Variants in SYNPO2 observed in about 807,000 individuals in gnomAD.
SYNPO2 encodes synaptopodin 2, also known as synaptopodin-2.
A neutral mutation model predicts 85.0 loss-of-function variants in SYNPO2; 56 were observed. The ratio of observed to expected loss-of-function variants is 0.66; its 90% CI spans 0.53 to 0.82. SYNPO2 has a LOEUF of 0.82. Ranked by LOEUF, SYNPO2 falls within the 40% of genes least tolerant of loss-of-function variation. The probability of loss-of-function intolerance (pLI) is 0.00; values close to 1 mark genes in which losing one functional copy is unlikely to be tolerated. For synonymous variants in SYNPO2, 602 were observed against 591.1 expected (o/e 1.02, Z -0.27); for missense variants, 1,575 against 1,534.2 (o/e 1.03, Z -0.44).
intron 1 of SYNPO2, among the ~76,000 whole-genome samples, chr4:118,934,444 A>G (rs1006036701): frequency 1.3e-5 from 2 of 152,304 alleles, no homozygotes; most frequent in East Asian, 3.9e-4. Context: ...ACTCATGGGA[A>G]GAAAGCATAT....
intron 1 of SYNPO2, among the ~76,000 whole-genome samples, chr4:118,967,295 G>T (rs773793172): frequency 6.6e-6 from 1 of 152,114 alleles, no homozygotes; most frequent in Non-Finnish European, 1.5e-5. Flanking sequence ...GAGGAACCAC[G>T]TAAATATGAT....
chr4:118,948,645 T>A (rs1448366492), intron 1 of SYNPO2, among the ~76,000 whole-genome samples: 1 of 152,014 alleles, frequency 6.6e-6, no homozygotes, highest in Non-Finnish European at 1.5e-5. Context: ...GGAGCAGGCA[T>A]CAATTGCGAA....
At chr4:118,901,605 G>A (rs542751298) in intron 1 of SYNPO2, among the ~76,000 whole-genome samples, 5 of 152,236 alleles carry the variant, frequency 3.3e-5, no homozygotes, top group South Asian at 2.1e-4. Flanking sequence ...CCTTTCAGAC[G>A]TATTTTAATA....
chr4:118,888,800 T>G (rs1732259870), upstream of SYNPO2: 1 of 541,060 alleles, frequency 1.8e-6, no homozygotes, highest in Non-Finnish European at 3.3e-6. Context: ...AAGAGTGGGC[T>G]GTGTCCTGGA....
intron 1 of SYNPO2, among the ~76,000 whole-genome samples, chr4:118,904,372 C>T (rs1400126525): frequency 2.0e-5 from 3 of 152,204 alleles, no homozygotes; most frequent in Non-Finnish European, 4.4e-5. Context: ...TCCTGTAGTC[C>T]TTGGAGTCCC....
At chr4:118,927,806 A>ATAGATAGATAGG (rs1338725464) in intron 1 of SYNPO2, among the ~76,000 whole-genome samples, 1 of 151,582 alleles carries the variant, frequency 6.6e-6, no homozygotes, top group African/African-American at 2.4e-5. Flanking sequence ...AGATAGATAG[A>ATAGATAGATAGG]TATCATTTGA....
At chr4:118,986,587 T>C (rs577104462) in intron 1 of SYNPO2, among the ~76,000 whole-genome samples, 16 of 152,326 alleles carry the variant, frequency 1.1e-4, no homozygotes, top group African/African-American at 3.6e-4. Flanking sequence ...GTTTGAGAGA[T>C]GATAATAGGC....
intron 4 of SYNPO2, chr4:119,038,025 A>G (rs1177190479): frequency 2.5e-5 from 13 of 523,702 alleles, no homozygotes; most frequent in South Asian, 8.2e-5. Context: ...ATCTAAGCTC[A>G]GAGAAGCTAA....
At chr4:118,901,028 A>G (rs1465647962) in intron 1 of SYNPO2, among the ~76,000 whole-genome samples, 2 of 151,976 alleles carry the variant, frequency 1.3e-5, no homozygotes, top group African/African-American at 2.4e-5. Flanking sequence ...ATCCAACCAT[A>G]CAGGAAACTT....
intron 1 of SYNPO2, among the ~76,000 whole-genome samples, chr4:118,860,763 G>A (rs560764351): frequency 2.6e-5 from 4 of 152,078 alleles, no homozygotes; most frequent in African/African-American, 7.2e-5. Flanking sequence ...CACCATGTTG[G>A]TCAGGATGGT....
chr4:119,012,419 T>C (rs1395732744), intron 1 of SYNPO2, among the ~76,000 whole-genome samples: 2 of 147,896 alleles, frequency 1.4e-5, no homozygotes, highest in Non-Finnish European at 3.0e-5. Context: ...CTGGGATACA[T>C]GTGCAGAACG....
At chr4:118,912,439 C>G (rs1733171453) in intron 1 of SYNPO2, among the ~76,000 whole-genome samples, 1 of 152,180 alleles carries the variant, frequency 6.6e-6, no homozygotes, top group Non-Finnish European at 1.5e-5. Context: ...TTTCAGCCCC[C>G]TAAATTGCTG....
At chr4:118,976,174 T>G (rs979528634) in intron 1 of SYNPO2, among the ~76,000 whole-genome samples, 2 of 151,482 alleles carry the variant, frequency 1.3e-5, no homozygotes, top group Non-Finnish European at 2.9e-5. Flanking sequence ...ACGTCTGGAG[T>G]CTGTCCCTTC....
intron 1 of SYNPO2, 110 bp from the exon 2 acceptor site, chr4:119,023,320 T>C: frequency 8.4e-7 from 1 of 1,196,284 alleles, no homozygotes; most frequent in Non-Finnish European, 1.1e-6. Flanking sequence ...AACAGGTGAA[T>C]TAAAATTCAG....
chr4:118,959,224 C>A (rs12647308), intron 1 of SYNPO2, among the ~76,000 whole-genome samples: 54,200 of 152,104 alleles, frequency 0.36, 9,805 homozygotes, highest in Admixed American at 0.46. Flanking sequence ...TTCCTTGAAT[C>A]ATTACTCCCC....
rs1198015471 is a variant in SYNPO2, at chr4:119,026,888, C to A, written c.519C>A (p.Ser173=). The A allele has an allele frequency of 1.2e-6, 2 of 1,614,112 alleles. No individual in the cohort carries two copies. Among genetic ancestry groups the A allele is most frequent in the Admixed American group, 3.3e-5 (2 of 60,016 alleles). The change falls in exon 3 of 5, where the codon TCC becomes TCA. Residue 173 remains serine (S), a synonymous_variant. Transcript: ENST00000307142. The part of the protein sequence containing the change: ...SYQRAPQMPD[S]QRGRVAEELI... ...AAAGGGCTCCCCAAATGCCTGACTC[C>A]CAAAGAGGACGCGTGGCAGAAGAGC...
rs1417430610 is a variant in SYNPO2 at position 119,055,650 on chromosome 4, A to G, written c.3253-1751A>G. 3.3e-5 allele frequency among the ~76,000 whole-genome samples: 5 copies of G among 152,254 alleles called. No individual in the cohort carries two copies. The East Asian group carries it at 9.6e-4, about 29-fold the overall frequency. On this transcript the variant is annotated intron_variant, in intron 4 of 4. Coordinates refer to ENST00000307142, the MANE Select transcript of SYNPO2 (RefSeq NM_133477.3). Reference sequence around the variant, plus strand: ...GAAATGAACACATACATAATGTGAAATAGAAACTAAGGCCTTAAAGGTGAC... The same window carrying G: ...GAAATGAACACATACATAATGTGAAGTAGAAACTAAGGCCTTAAAGGTGAC...
chr4:119,026,795 A>G lies in SYNPO2; in HGVS notation c.426A>G (p.Leu142=). The G allele has an allele frequency of 6.3e-7, 1 of 1,596,882 alleles. No homozygotes were observed. The highest frequency in any genetic ancestry group is 8.5e-7 in the Non-Finnish European group (1 of 1,171,748). Residue 142 remains leucine, a synonymous_variant, in exon 3 of 5, where the codon CTA becomes CTG. Coordinates refer to ENST00000307142, the MANE Select transcript of SYNPO2 (RefSeq NM_133477.3). ...FLAPVKTEVP[L]AENQRSGPDC... is the part of the protein sequence containing the mutation. ...CCCCTGTCAAGACTGAAGTTCCCCT[A>G]GCTGAGAACCAAAGAAGTGGTCCCG...
Position 119,053,832 on chromosome 4 carries a change from A to G in SYNPO2, c.3253-3569A>G, listed in dbSNP as rs530082887. ...CTTTCACATAGTACTTAATACTCCC[A>G]AGTATATTGATAATTATTTCTTTTT... On this transcript the variant is annotated intron_variant, in intron 4 of 4. Transcript: ENST00000307142. Among the ~76,000 whole-genome samples, 4 of 152,254 alleles carry G rather than the reference A, an allele frequency of 2.6e-5. No individual in the cohort carries two copies. In the East Asian group the frequency reaches 7.7e-4, roughly 29 times the overall value.
Sources: gnomAD v4.1 joint callset for allele counts (sites outside exome capture counted in the v4.1 genomes callset) on GRCh38, gnomAD v4.1.1 for gene constraint, MANE v1.5 for transcripts, NCBI Gene and HGNC (gene_info 2026-07-23, HGNC 2026-07-21) for gene names.